The following TRAPPC8 variants were observed in gnomAD, a reference collection of about 807,000 sequenced individuals.
TRAPPC8 encodes the protein general sporulation gene 1 homolog.
TRAPPC8 carries 54 observed loss-of-function variants against 174.3 expected under a neutral mutation model. That is an observed-to-expected ratio of 0.31 (90% confidence interval 0.25 to 0.39). The LOEUF (loss-of-function observed/expected upper bound fraction) is 0.39, where lower values mean the gene tolerates loss of function less well. Among genes scored for constraint, TRAPPC8 ranks in the 10% least tolerant of loss-of-function variants. The probability of loss-of-function intolerance (pLI) is 1.00; values close to 1 mark genes in which losing one functional copy is unlikely to be tolerated. For synonymous variants in TRAPPC8, 630 were observed against 579.9 expected (o/e 1.09, Z -1.24); for missense variants, 1,531 against 1,699.1 (o/e 0.90, Z 1.74).
chr18:31,839,880 A>T (rs2032993291), intron 26 of TRAPPC8, among the ~76,000 whole-genome samples: 1 of 152,238 alleles, frequency 6.6e-6, no homozygotes, highest in East Asian at 1.9e-4. Context: ...ACCTATTTTA[A>T]TAGCTGAAAA....
At chr18:31,860,371 TA>T (rs914529957) in intron 19 of TRAPPC8, among the ~76,000 whole-genome samples, 62 of 148,790 alleles carry the variant, frequency 4.2e-4, no homozygotes, top group African/African-American at 1.2e-3. Flanking sequence ...ACAATTGTAT[TA>T]AAAAAAAAAG....
At chr18:31,918,748 T>C (rs1232142651) in intron 2 of TRAPPC8, among the ~76,000 whole-genome samples, 1 of 152,248 alleles carries the variant, frequency 6.6e-6, no homozygotes, top group Admixed American at 6.5e-5. Context: ...ATTGTTTGTA[T>C]AAATGTATAT....
rs148962159 is a variant in TRAPPC8, at chr18:31,916,517, CAGG to C, written c.443-74_443-72del. 9.6e-4 allele frequency: 1,351 copies of C among 1,410,456 alleles called. 27 individuals are homozygous for C. In the East Asian group the frequency reaches 0.029, roughly 31 times the overall value. The allele number at this position is 1,410,456 out of a possible 1,614,324, so 87.4% of individuals were successfully genotyped here. ...ATAAATATTGTCCTACTGAGATAAA[CAGG>C]AGGTTTTTGTTTGTTTGTTTGTTTG... On this transcript the variant is annotated intron_variant, in intron 3 of 28. Coordinates refer to ENST00000283351, the MANE Select transcript of TRAPPC8 (RefSeq NM_014939.5).
At chr18:31,873,376 G>C (rs1262396554) in intron 14 of TRAPPC8, 54 bp downstream of exon 14, 20 of 1,403,460 alleles carry the variant, frequency 1.4e-5, no homozygotes, top group Non-Finnish European at 1.9e-5. Flanking sequence ...GAAAGGAAAA[G>C]AAGTTTTTTT....
At chr18:31,893,421 G>A (rs2036052175) in intron 11 of TRAPPC8, among the ~76,000 whole-genome samples, 1 of 151,914 alleles carries the variant, frequency 6.6e-6, no homozygotes, top group African/African-American at 2.4e-5. Flanking sequence ...GCGTGTGCCT[G>A]TGTGTGTGTT....
intron 20 of TRAPPC8, 149 bp from the exon 21 acceptor site, chr18:31,855,956 T>C (rs2033984509): frequency 5.7e-6 from 5 of 877,792 alleles, no homozygotes; most frequent in Non-Finnish European, 8.3e-6. Flanking sequence ...TAAAATTACA[T>C]AGTTAGCCTA....
At chr18:31,922,652 T>C (rs1427110374) in intron 2 of TRAPPC8, among the ~76,000 whole-genome samples, 1 of 152,146 alleles carries the variant, frequency 6.6e-6, no homozygotes, top group Admixed American at 6.5e-5. Flanking sequence ...TAAAAATCAC[T>C]ATTTTCCTCA....
intron 27 of TRAPPC8, among the ~76,000 whole-genome samples, chr18:31,838,352 G>A (rs1426758386): frequency 6.6e-6 from 1 of 152,172 alleles, no homozygotes; most frequent in Non-Finnish European, 1.5e-5. Flanking sequence ...TACATAACGT[G>A]TAAGAAGGTC....
At chr18:31,848,748 G>A (rs112253794) in intron 25 of TRAPPC8, among the ~76,000 whole-genome samples, 104 of 152,124 alleles carry the variant, frequency 6.8e-4, no homozygotes, top group Non-Finnish European at 1.4e-3. Flanking sequence ...CACAAAGTTC[G>A]GGTGATTATT....
Position 31,902,255 on chromosome 18 carries a change from C to T in TRAPPC8, c.1390-1230G>A, listed in dbSNP as rs1047228178. 2.0e-5 allele frequency among the ~76,000 whole-genome samples: 3 copies of T among 152,154 alleles called. 1 individual carries two copies. Among genetic ancestry groups the T allele is most frequent in the South Asian group, 4.1e-4 (2 of 4,830 alleles). ...CTGAAGCAGGAGAATCGCTTGAACC[C>T]GGGAAGCGGGGGTTGCACTGAGCCG... On this transcript the variant is annotated intron_variant, in intron 9 of 28. Transcript: ENST00000283351.
chr18:31,909,527 TCAG>T (rs1226308121), intron 6 of TRAPPC8, 137 bp downstream of exon 6: 2 of 1,380,330 alleles, frequency 1.4e-6, no homozygotes, highest in Non-Finnish European at 1.9e-6. Flanking sequence ...AGTAAAATCT[TCAG>T]AAGAAAAACT....
rs374289293 is a variant in TRAPPC8 at position 31,832,208 on chromosome 18, T to A, written c.3984-35A>T. 550 of 1,356,922 alleles carry A rather than the reference T, an allele frequency of 4.1e-4. 4 individuals carry two copies. The African/African-American group carries it at 7.7e-3, about 19-fold the overall frequency. The allele number at this position is 1,356,922 out of a possible 1,614,324, so 84.1% of individuals were successfully genotyped here. A position where few individuals can be genotyped will look rare whatever the true frequency, so the allele number is the denominator to read the frequency against. On this transcript the variant is annotated intron_variant, in intron 27 of 28. Coordinates refer to ENST00000283351, the MANE Select transcript of TRAPPC8 (RefSeq NM_014939.5). The stretch of plus-strand genomic sequence containing the variant: ...AAAAATAAACAAAAAAGTTATATAT[T>A]TTTTTCTTCTTAAAAGCAATTTTCC...
chr18:31,880,739 C>T (rs1424107229), intron 12 of TRAPPC8, among the ~76,000 whole-genome samples: 1 of 151,986 alleles, frequency 6.6e-6, no homozygotes, highest in Non-Finnish European at 1.5e-5. Flanking sequence ...TGACAAGATC[C>T]TATACCTAGA....
At chr18:31,941,497 T>A (rs1340602743) in intron 1 of TRAPPC8, among the ~76,000 whole-genome samples, 1 of 152,200 alleles carries the variant, frequency 6.6e-6, no homozygotes, top group Admixed American at 6.5e-5. Context: ...GGCATTTTGT[T>A]GCTCTTAAGT....
chr18:31,941,580 T>G (rs1165143649), intron 1 of TRAPPC8, among the ~76,000 whole-genome samples: 1 of 152,226 alleles, frequency 6.6e-6, no homozygotes, highest in Non-Finnish European at 1.5e-5. Context: ...CAAACTTTGT[T>G]TTTTTGGACA....
At chr18:31,899,671 G>A (rs1022082666) in intron 10 of TRAPPC8, among the ~76,000 whole-genome samples, 7 of 152,182 alleles carry the variant, frequency 4.6e-5, no homozygotes, top group African/African-American at 1.7e-4. Context: ...CATGGGCCTG[G>A]CGCGGTGGCT....
At chr18:31,846,670 A>G (rs748213444) in intron 26 of TRAPPC8, 46 bp downstream of exon 26, 1 of 1,451,564 alleles carries the variant, frequency 6.9e-7, no homozygotes, top group Admixed American at 2.1e-5. Context: ...AACAAAAAAA[A>G]ACCCACAAGT....
At chr18:31,845,286 TAA>T (rs887870436) in intron 26 of TRAPPC8, 5 of 152,016 alleles carry the variant, frequency 3.3e-5, no homozygotes, top group African/African-American at 9.7e-5. Flanking sequence ...TGTTTCAGAT[TAA>T]AAGAGACTAA....
At chr18:31,925,466 A>G (rs1394559597) in intron 2 of TRAPPC8, among the ~76,000 whole-genome samples, 1 of 152,158 alleles carries the variant, frequency 6.6e-6, no homozygotes, top group Non-Finnish European at 1.5e-5. Context: ...ACCCAGAAAA[A>G]TAAAAAGACA....
Sources: allele counts gnomAD v4.1 joint callset (sites outside exome capture counted in the v4.1 genomes callset), GRCh38; gene constraint gnomAD v4.1.1; transcripts MANE v1.5; gene names NCBI Gene and HGNC (gene_info 2026-07-23, HGNC 2026-07-21).